GRB10: variants seen among roughly 807,000 people sequenced by gnomAD.
GRB10 encodes the protein growth factor receptor-bound protein 10.
Under a neutral mutation model 80.9 loss-of-function variants are expected in GRB10, and 20 were observed. That is an observed-to-expected ratio of 0.25 (90% CI 0.17 to 0.36). GRB10 has a LOEUF of 0.36. Among genes scored for constraint, GRB10 ranks in the 10% least tolerant of loss-of-function variants. The pLI is 1.00. For missense variants in GRB10, 548 were observed against 747.7 expected (o/e 0.73, Z 3.12); for synonymous variants, 291 against 291.5 (o/e 1.00, Z 0.02).
intron 4 of GRB10, among the ~76,000 whole-genome samples, chr7:50,714,750 C>G (rs1587358381): frequency 1.3e-5 from 2 of 152,072 alleles, no homozygotes; most frequent in Admixed American, 6.5e-5. Context: ...TGCACTGAAC[C>G]CAACTTCTTC....
Position 50,634,627 on chromosome 7 carries a change from C to G in GRB10, c.505-7649G>C, listed in dbSNP as rs191674383. Among the ~76,000 whole-genome samples the G allele has an allele frequency of 3.3e-5, 5 of 152,312 alleles. No individual in the cohort carries two copies. The East Asian group carries it at 9.6e-4, about 29-fold the overall frequency. ...GGATAAAAAAACAAGACCCAGCCATCTGCTGCCTACAAGAGACCCACCTAA... is the reference window on the plus strand; with the variant it reads ...GGATAAAAAAACAAGACCCAGCCATGTGCTGCCTACAAGAGACCCACCTAA... On this transcript the variant is annotated intron_variant, in intron 7 of 18. Transcript: ENST00000401949.
chr7:50,781,076 A>C (rs1405206537), intron 1 of GRB10: 1 of 152,224 alleles, frequency 6.6e-6, no homozygotes, highest in East Asian at 1.9e-4. Context: ...TCGTGCAATT[A>C]CCATAACTCC....
intron 2 of GRB10, among the ~76,000 whole-genome samples, chr7:50,757,605 T>C (rs2075258151): frequency 6.6e-6 from 1 of 152,240 alleles, no homozygotes; most frequent in African/African-American, 2.4e-5. Context: ...AATTTGGAAG[T>C]TTGGAAAGTA....
At chr7:50,648,193 G>A (rs1354241915) in intron 7 of GRB10, among the ~76,000 whole-genome samples, 3 of 152,094 alleles carry the variant, frequency 2.0e-5, no homozygotes, top group African/African-American at 4.8e-5. Context: ...AGCCAGCAAC[G>A]ATGGCTGAGA....
At chr7:50,766,811 C>G (rs780230877) in intron 2 of GRB10, among the ~76,000 whole-genome samples, 3 of 152,202 alleles carry the variant, frequency 2.0e-5, no homozygotes, top group Non-Finnish European at 4.4e-5. Context: ...TCTTTTCATT[C>G]TCTATATCAT....
intron 5 of GRB10, among the ~76,000 whole-genome samples, chr7:50,693,315 T>C (rs937112503): frequency 6.6e-6 from 1 of 152,220 alleles, no homozygotes; most frequent in African/African-American, 2.4e-5. Flanking sequence ...GTCTCTCCAC[T>C]AAGAAATTGG....
At position 50,745,953 on chromosome 7, in the gene GRB10, T is replaced by C. The variant is rs565379059; in HGVS notation, c.-47+9934A>G. On this transcript the variant is annotated intron_variant, in intron 3 of 18. Coordinates refer to ENST00000401949, the MANE Select transcript of GRB10 (RefSeq NM_001350814.2). ...GTGGCATCAGATCTTAATCTCATTC[T>C]TTTGGCAAATCTTGAACAAGGCCTG... Among the ~76,000 whole-genome samples the C allele has an allele frequency of 7.0e-4, 106 of 152,362 alleles. 1 individual carries two copies. Among genetic ancestry groups the C allele is most frequent in the Admixed American group, 2.7e-3 (41 of 15,302 alleles).
chr7:50,777,870 G>A (rs915252451), intron 2 of GRB10, among the ~76,000 whole-genome samples: 5 of 152,048 alleles, frequency 3.3e-5, no homozygotes, highest in African/African-American at 1.2e-4. Flanking sequence ...AACAATGAGA[G>A]CACATGGACA....
chr7:50,714,531 C>T (rs1477107596), intron 4 of GRB10, among the ~76,000 whole-genome samples: 1 of 151,918 alleles, frequency 6.6e-6, no homozygotes, highest in South Asian at 2.1e-4. Flanking sequence ...GGTGTGGTGG[C>T]GGGCGCCTGT....
At chr7:50,621,513 A>T (rs1334076400) in intron 8 of GRB10, among the ~76,000 whole-genome samples, 1 of 152,226 alleles carries the variant, frequency 6.6e-6, no homozygotes, top group Non-Finnish European at 1.5e-5. Context: ...TCAGAGATCC[A>T]GAGCTGTGCA....
chr7:50,721,013 C>T (rs764754550), intron 4 of GRB10, among the ~76,000 whole-genome samples: 8 of 149,286 alleles, frequency 5.4e-5, no homozygotes, highest in African/African-American at 7.4e-5. Context: ...AGAAAAGAAA[C>T]GCCCTGCTTC....
chr7:50,742,236 T>C (rs1010256687), intron 3 of GRB10, among the ~76,000 whole-genome samples: 2 of 151,838 alleles, frequency 1.3e-5, no homozygotes, highest in Admixed American at 1.3e-4. Context: ...TTTTTATGTA[T>C]TTGTCTATGT....
chr7:50,626,615 C>G (rs1225754900), intron 8 of GRB10, among the ~76,000 whole-genome samples: 1 of 152,164 alleles, frequency 6.6e-6, no homozygotes, highest in East Asian at 1.9e-4. Context: ...CCATCCAAGG[C>G]AAGATTCCCA....
In GRB10 at chr7:50,689,309, C is replaced by T. The variant is rs2062496026; in HGVS notation, c.139+14512G>A. On this transcript the variant is annotated intron_variant, in intron 5 of 18. Transcript: ENST00000401949. ...ATGCAAGTAGATTAGAAGCCTGCTG[C>T]AATTATTTTTCAGTGCATTTAAAAA... is the stretch of plus-strand genomic sequence containing the variant. Among the ~76,000 whole-genome samples, 5 of 152,186 alleles carry T rather than the reference C, an allele frequency of 3.3e-5. No individual in the cohort carries two copies. The South Asian group carries it at 1.0e-3, about 32-fold the overall frequency.
intron 2 of GRB10, among the ~76,000 whole-genome samples, chr7:50,774,402 T>G (rs1318235960): frequency 1.3e-5 from 2 of 152,194 alleles, no homozygotes; most frequent in African/African-American, 2.4e-5. Flanking sequence ...AAGAACAAAA[T>G]CTATTTCTCA....
chr7:50,694,003 G>A (rs2063138992), intron 5 of GRB10, among the ~76,000 whole-genome samples: 1 of 148,810 alleles, frequency 6.7e-6, no homozygotes, highest in South Asian at 2.2e-4. Context: ...CAATGCTTCT[G>A]TTATGGAGAA....
intron 7 of GRB10, among the ~76,000 whole-genome samples, chr7:50,628,626 G>A (rs895672442): frequency 3.3e-5 from 5 of 152,134 alleles, no homozygotes; most frequent in Non-Finnish European, 2.9e-5. Context: ...TCTCTGTGAG[G>A]GCAGGTTAGC....
intron 7 of GRB10, among the ~76,000 whole-genome samples, chr7:50,629,953 G>A (rs1004657511): frequency 6.6e-6 from 1 of 152,370 alleles, no homozygotes; most frequent in Non-Finnish European, 1.5e-5. Context: ...TCAGAGCGGA[G>A]ATTGTTACCA....
intron 16 of GRB10, 60 bp from the exon 17 acceptor site, chr7:50,604,145 G>T: frequency 1.4e-6 from 2 of 1,438,628 alleles, no homozygotes; most frequent in Non-Finnish European, 2.0e-6. Context: ...TGGCTTCCCT[G>T]ACAGCACAAC....
Sources: allele counts gnomAD v4.1 joint callset (sites outside exome capture counted in the v4.1 genomes callset), GRCh38; gene constraint gnomAD v4.1.1; transcripts MANE v1.5; gene names NCBI Gene and HGNC (gene_info 2026-07-23, HGNC 2026-07-21).